The following AHI1 variants were observed in gnomAD, a reference collection of about 807,000 sequenced individuals.
The protein encoded by AHI1 is jouberin.
In AHI1, 123 loss-of-function variants were observed where a neutral mutation model predicts 149.3. That is an observed-to-expected ratio of 0.82 (90% CI 0.71 to 0.96). The LOEUF (loss-of-function observed/expected upper bound fraction) is 0.96, where lower values mean the gene tolerates loss of function less well. Ranked by LOEUF, AHI1 falls within the 40% of genes least tolerant of loss-of-function variation. The pLI, the probability that AHI1 is intolerant of heterozygous loss-of-function variation, is 0.00. For missense variants in AHI1, 1,439 were observed against 1,422.7 expected (o/e 1.01, Z -0.18); for synonymous variants, 475 against 459.8 (o/e 1.03, Z -0.42).
At chr6:135,381,765 C>A (rs900946098) in intron 23 of AHI1, among the ~76,000 whole-genome samples, 4 of 152,172 alleles carry the variant, frequency 2.6e-5, no homozygotes, top group Non-Finnish European at 5.9e-5. Context: ...AATTTACCAC[C>A]ATCATATTAT....
chr6:135,409,135 T>G (rs1411806986), intron 21 of AHI1, among the ~76,000 whole-genome samples: 1 of 152,164 alleles, frequency 6.6e-6, no homozygotes, highest in Non-Finnish European at 1.5e-5. Context: ...ACTATTTTTC[T>G]TCACTGTTTA....
chr6:135,346,943 A>G (rs980461277), intron 24 of AHI1, among the ~76,000 whole-genome samples: 6 of 152,166 alleles, frequency 3.9e-5, no homozygotes, highest in Non-Finnish European at 7.3e-5. Flanking sequence ...TTACTCTGTT[A>G]CTTACACATC....
intron 24 of AHI1, among the ~76,000 whole-genome samples, chr6:135,344,926 T>TCACTCACA (rs1554285415): frequency 6.9e-6 from 1 of 145,704 alleles, no homozygotes; most frequent in African/African-American, 2.6e-5. Flanking sequence ...AAGCTCTGAT[T>TCACTCACA]CACACACACA....
intron 23 of AHI1, 47 bp downstream of exon 23, chr6:135,394,729 A>C (rs1225776704): frequency 6.2e-7 from 1 of 1,602,910 alleles, no homozygotes; most frequent in African/African-American, 1.3e-5. Flanking sequence ...CAACACAACA[A>C]GCATCTGAAC....
intron 24 of AHI1, among the ~76,000 whole-genome samples, chr6:135,331,287 G>A (rs914324943): frequency 3.9e-5 from 6 of 152,172 alleles, no homozygotes; most frequent in African/African-American, 7.2e-5. Context: ...CAAAATCCAC[G>A]TGGTCAAATT....
At chr6:135,340,654 C>CACATAT (rs1790170952) in intron 24 of AHI1, among the ~76,000 whole-genome samples, 1 of 58,568 alleles carries the variant, frequency 1.7e-5, no homozygotes, top group Non-Finnish European at 3.8e-5. Flanking sequence ...TATATACATA[C>CACATAT]ATACATATAT....
chr6:135,403,210 G>A (rs149692620), intron 22 of AHI1, among the ~76,000 whole-genome samples: 1 of 152,220 alleles, frequency 6.6e-6, no homozygotes, highest in East Asian at 1.9e-4. Flanking sequence ...ATTCAGGGGT[G>A]ATGAAAAACT....
At chr6:135,334,687 T>C (rs533434542) in intron 24 of AHI1, among the ~76,000 whole-genome samples, 1 of 152,244 alleles carries the variant, frequency 6.6e-6, no homozygotes. Flanking sequence ...CAGACCTTTA[T>C]ACATTGGACT....
At chr6:135,290,309 T>C in intron 28 of AHI1, 114 bp downstream of exon 28, 1 of 723,062 alleles carries the variant, frequency 1.4e-6, no homozygotes, top group Admixed American at 2.2e-5. Flanking sequence ...CAAATGGGAC[T>C]TGTCAGTCCT....
intron 24 of AHI1, among the ~76,000 whole-genome samples, chr6:135,329,020 G>A (rs987881203): frequency 6.6e-6 from 1 of 152,158 alleles, no homozygotes; most frequent in Non-Finnish European, 1.5e-5. Flanking sequence ...TGAGAAACGT[G>A]AGGAAGCTAC....
chr6:135,455,927 CT>C lies in AHI1; in HGVS notation c.1152-2del. 1 of 1,424,752 alleles carries C rather than the reference CT, an allele frequency of 7.0e-7. No individual in the cohort carries two copies. Among genetic ancestry groups the C allele is most frequent in the Non-Finnish European group, 9.3e-7 (1 of 1,077,738 alleles). The allele number at this position is 1,424,752 out of a possible 1,614,324, so 88.3% of individuals were successfully genotyped here. A position where few individuals can be genotyped will look rare whatever the true frequency, so the allele number is the denominator to read the frequency against. On this transcript the variant is annotated splice_acceptor_variant, in intron 9 of 28. Transcript: ENST00000265602. LOFTEE classifies it high-confidence loss of function. ...ATAGTAAGATGAAACAGGCCGTCCA[CT>C]GTACAAAAAAAGATACTTCCATTAA...
intron 27 of AHI1, among the ~76,000 whole-genome samples, chr6:135,291,050 A>G (rs898923228): frequency 5.9e-5 from 9 of 152,176 alleles, no homozygotes; most frequent in African/African-American, 1.9e-4. Flanking sequence ...TTTCCAAATG[A>G]TTCAATGGCA....
chr6:135,386,129 C>T lies in AHI1; in HGVS notation c.3109+8647G>A, dbSNP rs113490724. ...TAAGCAGTTCAGAAGCTGAATACAA[C>T]AAGTGGTTTCTGAAGGATAAAGGCT... On this transcript the variant is annotated intron_variant, in intron 23 of 28. Transcript: ENST00000265602. Among the ~76,000 whole-genome samples the T allele has an allele frequency of 8.6e-3, 1,302 of 152,176 alleles. 12 individuals carry two copies. Among genetic ancestry groups the T allele is most frequent in the Non-Finnish European group, 0.015 (1,023 of 68,010 alleles).
At position 135,290,545 on chromosome 6, in the gene AHI1, G is replaced by C. The variant is rs769192776; in HGVS notation, c.3486-20C>G. 1 of 1,613,206 alleles carries C rather than the reference G, an allele frequency of 6.2e-7. No homozygotes were observed. The highest frequency in any genetic ancestry group is 2.2e-5 in the East Asian group (1 of 44,876). On this transcript the variant is annotated intron_variant, in intron 27 of 28. Coordinates refer to ENST00000265602, the MANE Select transcript of AHI1 (RefSeq NM_001134831.2). Reference sequence around the variant, plus strand: ...TCAGAACTATAGGAGGGAAAGATCAGAAACAAGGAGCCAGTAAAAGAGAGC... The same window carrying C: ...TCAGAACTATAGGAGGGAAAGATCACAAACAAGGAGCCAGTAAAAGAGAGC...
chr6:135,291,949 G>A (rs955354502), intron 27 of AHI1, among the ~76,000 whole-genome samples: 8 of 152,158 alleles, frequency 5.3e-5, no homozygotes, highest in Non-Finnish European at 1.0e-4. Flanking sequence ...GTGGCAAACT[G>A]GAGAATGGAT....
chr6:135,433,026 C>T lies in AHI1; in HGVS notation c.2266+1G>A, dbSNP rs774144071. 1.9e-6 allele frequency: 3 copies of T among 1,602,428 alleles called. No homozygotes were observed. The South Asian group carries it at 3.3e-5, about 18-fold the overall frequency. ...GTCTTCATTCATAGTCTCTGACATA[C>T]CTTCAGTATCAAAACAAAGTGAGTT... On this transcript the variant is annotated splice_donor_variant, in intron 16 of 28. Coordinates refer to ENST00000265602, the MANE Select transcript of AHI1 (RefSeq NM_001134831.2). LOFTEE classifies it high-confidence loss of function.
Position 135,396,813 on chromosome 6 carries a change from G to GCA in AHI1, c.2989-1919_2989-1918dup, listed in dbSNP as rs948112145. Among the ~76,000 whole-genome samples the GCA allele has an allele frequency of 6.0e-5, 9 of 150,564 alleles. No individual in the cohort carries two copies. The East Asian group carries it at 9.7e-4, about 16-fold the overall frequency. On this transcript the variant is annotated intron_variant, in intron 22 of 28. Coordinates refer to ENST00000265602, the MANE Select transcript of AHI1 (RefSeq NM_001134831.2). ...TATATCTATATACACACACATCTTT[G>GCA]CACACACACACACCTACATATATCC...
chr6:135,317,441 G>T (rs1402868016), intron 26 of AHI1, among the ~76,000 whole-genome samples: 1 of 149,054 alleles, frequency 6.7e-6, no homozygotes, highest in Non-Finnish European at 1.5e-5. Context: ...TAACTTCACT[G>T]ACCTAACACA....
At chr6:135,418,002 T>C (rs1009256464) in intron 20 of AHI1, among the ~76,000 whole-genome samples, 1 of 143,440 alleles carries the variant, frequency 7.0e-6, no homozygotes, top group African/African-American at 2.6e-5. Flanking sequence ...TAGGCCACAG[T>C]TGGAGTATAA....
Sources: allele counts gnomAD v4.1 joint callset (sites outside exome capture counted in the v4.1 genomes callset), GRCh38; gene constraint gnomAD v4.1.1; transcripts MANE v1.5; gene names NCBI Gene and HGNC (gene_info 2026-07-23, HGNC 2026-07-21).